ZNF106: variants seen among roughly 807,000 people sequenced by gnomAD.
The protein encoded by ZNF106 is SH3-domain binding protein 3.
In ZNF106, 67 loss-of-function variants were observed where a neutral mutation model predicts 195.1. The observed-to-expected ratio is 0.34, with a 90% CI of 0.28 to 0.42. ZNF106 has a LOEUF of 0.42. Among genes scored for constraint, ZNF106 ranks in the 10% least tolerant of loss-of-function variants. ZNF106 has a pLI of 1.00. For synonymous variants in ZNF106, 784 were observed against 818.6 expected (o/e 0.96, Z 0.72); for missense variants, 2,118 against 2,304.5 (o/e 0.92, Z 1.66).
chr15:42,487,157 A>C (rs140185187), intron 1 of ZNF106, among the ~76,000 whole-genome samples: 64 of 152,028 alleles, frequency 4.2e-4, no homozygotes, highest in African/African-American at 1.5e-3. Flanking sequence ...TCTTTAAAAA[A>C]ATAAAATAAA....
Position 42,444,978 on chromosome 15 carries a change from C to T in ZNF106, c.3209G>A (p.Arg1070His), listed in dbSNP as rs2055714820. Residue 1070 changes from arginine (R) to histidine (H), a missense_variant, in exon 8 of 22, where the codon CGT becomes CAT. By Grantham distance (29) the Arg-to-His change is conservative (BLOSUM62 0). Coordinates refer to ENST00000564754, the MANE Select transcript of ZNF106 (RefSeq NM_001366845.3). The part of the protein sequence containing the change: ...KRRKIKGKKE[R>H]SQVDQLLNIS... ...ATTCAGCAGCTGGTCAACCTGAGAACGTTCTGCCAAAAGAAATCATAAGGT... is the reference window on the plus strand; with the variant it reads ...ATTCAGCAGCTGGTCAACCTGAGAATGTTCTGCCAAAAGAAATCATAAGGT... 4.3e-6 allele frequency: 7 copies of T among 1,614,048 alleles called. No individual in the cohort carries two copies. Among genetic ancestry groups the T allele is most frequent in the East Asian group, 2.2e-5 (1 of 44,884 alleles).
chr15:42,442,433 A>G lies in ZNF106; in HGVS notation c.3422-19T>C, dbSNP rs373975316. The G allele has an allele frequency of 5.1e-6, 8 of 1,562,798 alleles. No homozygotes were observed. The highest frequency in any genetic ancestry group is 6.9e-6 in the Non-Finnish European group (8 of 1,152,302). On this transcript the variant is annotated intron_variant, in intron 9 of 21. Transcript: ENST00000564754. The stretch of plus-strand genomic sequence containing the variant: ...TATGTTTCTAGAATGGGAAACATAC[A>G]TACATAGAAATGCAAAAATGTTATC...
intron 3 of ZNF106, among the ~76,000 whole-genome samples, chr15:42,464,235 GA>G (rs1191142798): frequency 1.3e-5 from 2 of 151,918 alleles, no homozygotes; most frequent in African/African-American, 2.4e-5. Context: ...AGCTACTCAG[GA>G]GGGTGAAGCA....
chr15:42,472,853 T>C (rs2056706303), intron 1 of ZNF106, among the ~76,000 whole-genome samples: 1 of 151,872 alleles, frequency 6.6e-6, no homozygotes, highest in Non-Finnish European at 1.5e-5. Flanking sequence ...CTACTCAAAA[T>C]ACATAAATTA....
At position 42,444,574 on chromosome 15, in the gene ZNF106, C is replaced by T. The variant is rs532893260; in HGVS notation, c.3360+253G>A. Among the ~76,000 whole-genome samples the T allele has an allele frequency of 7.4e-5, 7 of 94,938 alleles. No individual in the cohort carries two copies. The South Asian group carries it at 2.0e-3, about 27-fold the overall frequency. 62.3% of individuals were successfully genotyped at this position (94,938 alleles called of 152,430 possible). On this transcript the variant is annotated intron_variant, in intron 8 of 21. Coordinates refer to ENST00000564754, the MANE Select transcript of ZNF106 (RefSeq NM_001366845.3). ...TGGCTGTGGATATACCTAGGGAGAACACCCTTGTGGGGACTGCTGCAGCCT... is the reference window on the plus strand; with the variant it reads ...TGGCTGTGGATATACCTAGGGAGAATACCCTTGTGGGGACTGCTGCAGCCT...
At chr15:42,464,296 C>T (rs2056462143) in intron 3 of ZNF106, among the ~76,000 whole-genome samples, 2 of 149,354 alleles carry the variant, frequency 1.3e-5, no homozygotes, top group African/African-American at 4.9e-5. Flanking sequence ...GCTGAGATAG[C>T]ACCACTGCAC....
rs1048959302 is a variant in ZNF106, at chr15:42,446,464, C to G, written c.3205+125G>C. 6 of 733,166 alleles carry G rather than the reference C, an allele frequency of 8.2e-6. No homozygotes were observed. In the Admixed American group the frequency reaches 1.0e-4, roughly 12 times the overall value. The allele number at this position is 733,166 out of a possible 1,614,324, so 45.4% of individuals were successfully genotyped here. On this transcript the variant is annotated intron_variant, in intron 7 of 21. Coordinates refer to ENST00000564754, the MANE Select transcript of ZNF106 (RefSeq NM_001366845.3). ...TAGTGTCACATACCAGTAGTCCTAG[C>G]TGCTCGGGAGGCTGAGAGAAGAGGA...
chr15:42,437,221 T>C lies in ZNF106; in HGVS notation c.4746+11A>G. The C allele has an allele frequency of 6.2e-7, 1 of 1,606,922 alleles. No individual in the cohort carries two copies. Among genetic ancestry groups the C allele is most frequent in the South Asian group, 1.1e-5 (1 of 89,608 alleles). On this transcript the variant is annotated intron_variant, in intron 13 of 21. Transcript: ENST00000564754. ...GCAACCAAAAACATTCTACATGTTC[T>C]ATCAACTTACCACCAGATTATAAAC...
chr15:42,414,290 T>C lies in ZNF106; in HGVS notation c.*3014A>G, dbSNP rs964014963. ...AGTTCTGTATAATTTTCAAGACTCT[T>C]GTAAGTAGTAACACACAGCCATAAG... is the stretch of plus-strand genomic sequence containing the variant. On this transcript the variant is annotated 3_prime_UTR_variant, in exon 22 of 22. Transcript: ENST00000564754. The C allele has an allele frequency of 9.2e-5, 14 of 152,234 alleles. No individual in the cohort carries two copies. Among genetic ancestry groups the C allele is most frequent in the African/African-American group, 3.4e-4 (14 of 41,452 alleles). 9.4% of individuals were successfully genotyped at this position (152,234 alleles called of 1,614,324 possible). A position where few individuals can be genotyped will look rare whatever the true frequency, so the allele number is the denominator to read the frequency against.
At chr15:42,489,998 C>T (rs929433170) in intron 1 of ZNF106, among the ~76,000 whole-genome samples, 9 of 152,018 alleles carry the variant, frequency 5.9e-5, no homozygotes, top group Non-Finnish European at 1.5e-5. Context: ...AAGATCCCGC[C>T]ACTGCACTCC....
intron 19 of ZNF106, among the ~76,000 whole-genome samples, chr15:42,421,612 C>G (rs190925017): frequency 6.6e-6 from 1 of 152,212 alleles, no homozygotes; most frequent in South Asian, 2.1e-4. Context: ...AATCTCCTGA[C>G]TCCATTCCAG....
In ZNF106 at chr15:42,450,298, A is replaced by G. The variant is rs752069130; in HGVS notation, c.1974T>C (p.Ser658=). The change falls in exon 5 of 22, where the codon TCT becomes TCC. Residue 658 remains serine, a synonymous_variant. Transcript: ENST00000564754. ...TACATGGGGAAGTGGATAGCTCTCT[A>G]GAAGTCTTCAGGATGCGGTCATCCT... is the stretch of plus-strand genomic sequence containing the variant. ...KEEDDRILKT[S]RELSTSPCNP... 2.5e-6 allele frequency: 4 copies of G among 1,614,046 alleles called. No homozygotes were observed. The highest frequency in any genetic ancestry group is 3.4e-6 in the Non-Finnish European group (4 of 1,180,040).
rs754741407 is a variant in ZNF106 at position 42,439,473 on chromosome 15, C to A, written c.4104G>T (p.Glu1368Asp). ...TCTTCTTTTTCTTGCTTCCCCTAGT[C>A]TCAGCTGATGTCAAAGTGGATTCTG... is the stretch of plus-strand genomic sequence containing the variant. ...QQAESTLTSA[E>D]TRGSKKKKKL... The change falls in exon 11 of 22, where the codon GAG becomes GAT. Residue 1368 changes from glutamate to aspartate, a missense_variant. Physicochemically the swap from Glu to Asp is conservative, Grantham distance 45 (BLOSUM62 2). Transcript: ENST00000564754. 7 of 1,614,076 alleles carry A rather than the reference C, an allele frequency of 4.3e-6. No homozygotes were observed. Among genetic ancestry groups the A allele is most frequent in the South Asian group, 3.3e-5 (3 of 91,058 alleles).
chr15:42,476,012 A>C (rs1239336635), intron 1 of ZNF106, among the ~76,000 whole-genome samples: 1 of 152,212 alleles, frequency 6.6e-6, no homozygotes, highest in African/African-American at 2.4e-5. Flanking sequence ...AATGGATAAA[A>C]AAAATAAAGC....
intron 3 of ZNF106, among the ~76,000 whole-genome samples, chr15:42,459,855 A>G (rs940321399): frequency 1.3e-5 from 2 of 151,944 alleles, no homozygotes; most frequent in South Asian, 2.1e-4. Context: ...GCTGGCCAAT[A>G]CGGTGAAACC....
chr15:42,422,048 A>T, intron 18 of ZNF106, 60 bp from the exon 19 acceptor site: 1 of 1,462,832 alleles, frequency 6.8e-7, no homozygotes, highest in Non-Finnish European at 9.3e-7. Context: ...TAATAAGTAC[A>T]GTCCCTAAAG....
At chr15:42,440,816 C>T (rs913765869) in intron 10 of ZNF106, among the ~76,000 whole-genome samples, 9 of 150,030 alleles carry the variant, frequency 6.0e-5, no homozygotes, top group African/African-American at 2.2e-4. Context: ...AAGCCTGTCT[C>T]TATTAAAAAT....
chr15:42,432,035 T>A (rs1327448850), intron 14 of ZNF106, among the ~76,000 whole-genome samples: 2 of 152,244 alleles, frequency 1.3e-5, no homozygotes, highest in African/African-American at 4.8e-5. Context: ...TTCAGTTCTA[T>A]CAGTTATTGT....
Position 42,448,524 on chromosome 15 carries a change from A to G in ZNF106, c.2683T>C (p.Ser895Pro). 3.7e-6 allele frequency: 6 copies of G among 1,614,138 alleles called. No individual in the cohort carries two copies. Among genetic ancestry groups the G allele is most frequent in the Non-Finnish European group, 5.1e-6 (6 of 1,180,020 alleles). The change falls in exon 6 of 22, where the codon TCT becomes CCT. Residue 895 changes from serine (S) to proline (P), a missense_variant. Coordinates refer to ENST00000564754, the MANE Select transcript of ZNF106 (RefSeq NM_001366845.3). ...TCCTCACTGAAGAAGCTATACACAG[A>G]AGGAGCTCTGTCCATGATCACGCTG... ...ESSVIMDRAP[S>P]VYSFFSEEGT...
Sources: gnomAD v4.1 joint callset for allele counts (sites outside exome capture counted in the v4.1 genomes callset) on GRCh38, gnomAD v4.1.1 for gene constraint, MANE v1.5 for transcripts, NCBI Gene and HGNC (gene_info 2026-07-23, HGNC 2026-07-21) for gene names.